Variants in CNTNAP5 observed in about 807,000 individuals in gnomAD.
CNTNAP5 encodes the protein contactin-associated protein-like 5.
CNTNAP5 carries 72 observed loss-of-function variants against 150.2 expected under a neutral mutation model. The observed-to-expected ratio is 0.48, with a 90% CI of 0.40 to 0.58. The LOEUF (loss-of-function observed/expected upper bound fraction) is 0.58, where lower values mean the gene tolerates loss of function less well. Ranked by LOEUF, CNTNAP5 falls within the 20% of genes least tolerant of loss-of-function variation. CNTNAP5 has a pLI of 0.00. For missense variants in CNTNAP5, 1,636 were observed against 1,626.2 expected (o/e 1.01, Z -0.10); for synonymous variants, 672 against 619.8 (o/e 1.08, Z -1.25).
intron 13 of CNTNAP5, among the ~76,000 whole-genome samples, chr2:124,649,014 G>T (rs552557934): frequency 2.2e-4 from 33 of 152,220 alleles, no homozygotes; most frequent in African/African-American, 6.7e-4. Flanking sequence ...GTTGTTCCAC[G>T]TAATTGAATT....
At chr2:124,869,841 G>A in intron 21 of CNTNAP5, 79 bp downstream of exon 21, 3 of 868,092 alleles carry the variant, frequency 3.5e-6, no homozygotes, top group East Asian at 2.6e-5. Flanking sequence ...GGGTGTTTAA[G>A]GATTCAGGTC....
chr2:124,419,993 T>C (rs1281617267), intron 4 of CNTNAP5, among the ~76,000 whole-genome samples: 3 of 135,060 alleles, frequency 2.2e-5, no homozygotes, highest in East Asian at 2.1e-4. Flanking sequence ...TCTTTCTTTT[T>C]TTTTTTTTTT....
At chr2:124,497,761 G>C (rs1183302000) in intron 7 of CNTNAP5, among the ~76,000 whole-genome samples, 1 of 152,150 alleles carries the variant, frequency 6.6e-6, no homozygotes, top group African/African-American at 2.4e-5. Flanking sequence ...TAACATGGAG[G>C]CCTGAGCTCC....
chr2:124,153,022 G>A (rs1222984679), intron 1 of CNTNAP5, among the ~76,000 whole-genome samples: 1 of 152,148 alleles, frequency 6.6e-6, no homozygotes, highest in Non-Finnish European at 1.5e-5. Context: ...TTCCAGGAGT[G>A]ATTAACCAAC....
intron 13 of CNTNAP5, among the ~76,000 whole-genome samples, chr2:124,732,202 T>A (rs966242760): frequency 1.3e-5 from 2 of 152,156 alleles, no homozygotes; most frequent in Admixed American, 6.6e-5. Flanking sequence ...AGAGACTAGA[T>A]AATTTTGAAG....
intron 11 of CNTNAP5, among the ~76,000 whole-genome samples, chr2:124,580,511 G>A (rs1442795944): frequency 6.6e-6 from 1 of 152,214 alleles, no homozygotes; most frequent in Non-Finnish European, 1.5e-5. Flanking sequence ...GTGTCTCTGA[G>A]ACAAGTCTGA....
Position 124,759,965 on chromosome 2 carries a change from T to TTA in CNTNAP5, c.2235-3707_2235-3706insTA, listed in dbSNP as rs1491336232. ...TTTTTTTTTTTTTTTTTTTTTTTTTTAAATCTGGAAGCCTTGAGAAAGAAA... is the reference window on the plus strand; with the variant it reads ...TTTTTTTTTTTTTTTTTTTTTTTTTTTAAAATCTGGAAGCCTTGAGAAAGAAA... On this transcript the variant is annotated intron_variant, in intron 14 of 23. Coordinates refer to ENST00000682447, the MANE Select transcript of CNTNAP5 (RefSeq NM_001367498.1). Among the ~76,000 whole-genome samples, 124 of 102,674 alleles carry TTA rather than the reference T, an allele frequency of 1.2e-3. 2 individuals carry two copies. The highest frequency in any genetic ancestry group is 5.6e-3 in the Middle Eastern group (1 of 178). 67.4% of individuals were successfully genotyped at this position (102,674 alleles called of 152,430 possible).
intron 1 of CNTNAP5, among the ~76,000 whole-genome samples, chr2:124,199,501 C>T (rs1239007707): frequency 3.4e-5 from 5 of 147,214 alleles, no homozygotes; most frequent in South Asian, 2.2e-4. Context: ...CTGCAACTTC[C>T]GCTTCCCAGG....
chr2:124,722,897 C>T (rs1161416636), intron 13 of CNTNAP5, among the ~76,000 whole-genome samples: 1 of 152,146 alleles, frequency 6.6e-6, no homozygotes, highest in East Asian at 1.9e-4. Flanking sequence ...GACAGTCTTC[C>T]TTCCTATTGT....
At chr2:124,256,721 A>ACTTCT (rs1687324881) in intron 3 of CNTNAP5, among the ~76,000 whole-genome samples, 1 of 152,304 alleles carries the variant, frequency 6.6e-6, no homozygotes, top group Non-Finnish European at 1.5e-5. Flanking sequence ...AGAAGAACAA[A>ACTTCT]GTCACTCTTC....
At chr2:124,103,087 C>A (rs1039776984) in intron 1 of CNTNAP5, among the ~76,000 whole-genome samples, 2 of 151,966 alleles carry the variant, frequency 1.3e-5, no homozygotes, top group Admixed American at 1.3e-4. Flanking sequence ...ATGATCCTAA[C>A]CCGTGTGTGT....
chr2:124,631,052 C>A (rs1013997370), intron 12 of CNTNAP5, among the ~76,000 whole-genome samples: 5 of 152,140 alleles, frequency 3.3e-5, no homozygotes, highest in South Asian at 4.2e-4. Flanking sequence ...AAACTAAAAA[C>A]CACTGATCAA....
At chr2:124,588,173 CTTCCTTCTTTCTTTCTTTCTTTCTTTCT>C (rs1696590765) in intron 11 of CNTNAP5, among the ~76,000 whole-genome samples, 1 of 92,526 alleles carries the variant, frequency 1.1e-5, no homozygotes, top group Non-Finnish European at 2.3e-5. Context: ...TCCTTCCTTC[CTTCCTTCTTTCTTTCTTTCTTTCTTTCT>C]TTCTTTCTTT....
At chr2:124,107,865 A>C (rs1373634246) in intron 1 of CNTNAP5, among the ~76,000 whole-genome samples, 1 of 152,230 alleles carries the variant, frequency 6.6e-6, no homozygotes, top group Admixed American at 6.5e-5. Context: ...ATGAGGTATC[A>C]ATCAATATAT....
intron 20 of CNTNAP5, among the ~76,000 whole-genome samples, chr2:124,868,442 A>G (rs748133714): frequency 3.3e-5 from 5 of 152,050 alleles, no homozygotes; most frequent in Non-Finnish European, 7.4e-5. Flanking sequence ...TATTCTTTAT[A>G]TATACTCATG....
intron 3 of CNTNAP5, among the ~76,000 whole-genome samples, chr2:124,370,280 G>A (rs1286335460): frequency 1.3e-5 from 2 of 152,134 alleles, no homozygotes; most frequent in Non-Finnish European, 2.9e-5. Flanking sequence ...TTTGGAAAAC[G>A]AAGACAAAGC....
intron 1 of CNTNAP5, among the ~76,000 whole-genome samples, chr2:124,114,712 C>T (rs2104709341): frequency 6.6e-6 from 1 of 151,766 alleles, no homozygotes; most frequent in South Asian, 2.1e-4. Context: ...AAAAATATTT[C>T]AAAATTTCAT....
At chr2:124,782,897 C>G (rs971434642) in intron 17 of CNTNAP5, among the ~76,000 whole-genome samples, 1 of 152,130 alleles carries the variant, frequency 6.6e-6, no homozygotes, top group Non-Finnish European at 1.5e-5. Context: ...AAAACCTATA[C>G]TATGCCCATT....
chr2:124,767,565 T>C (rs1161377851), intron 16 of CNTNAP5, among the ~76,000 whole-genome samples: 2 of 152,176 alleles, frequency 1.3e-5, no homozygotes, highest in African/African-American at 4.8e-5. Flanking sequence ...TTTGAACTTT[T>C]GTTCTTCCAA....
Sources: allele counts gnomAD v4.1 joint callset (sites outside exome capture counted in the v4.1 genomes callset), GRCh38; gene constraint gnomAD v4.1.1; transcripts MANE v1.5; gene names NCBI Gene and HGNC (gene_info 2026-07-23, HGNC 2026-07-21).